Variants in PTPRD observed in about 807,000 individuals in gnomAD.
PTPRD encodes receptor-type tyrosine-protein phosphatase delta.
A neutral mutation model predicts 214.5 loss-of-function variants in PTPRD; 34 were observed. That is an observed-to-expected ratio of 0.16 (90% CI 0.12 to 0.21). The LOEUF (loss-of-function observed/expected upper bound fraction) is 0.21. Among genes scored for constraint, PTPRD ranks in the 10% least tolerant of loss-of-function variants. PTPRD has a pLI of 1.00. For missense variants in PTPRD, 2,545 were observed against 2,398.7 expected, an observed-to-expected ratio of 1.06 and a Z score of -1.27; for synonymous variants, 1,128 against 845.7, an observed-to-expected ratio of 1.33 and a Z score of -5.79.
intron 9 of PTPRD, among the ~76,000 whole-genome samples, chr9:9,231,137 A>T (rs1033086607): frequency 6.6e-6 from 1 of 152,122 alleles, no homozygotes; most frequent in Non-Finnish European, 1.5e-5. Flanking sequence ...TAACAGGCTT[A>T]TATCTGCACT....
intron 10 of PTPRD, among the ~76,000 whole-genome samples, chr9:9,061,679 C>A (rs2099707680): frequency 6.6e-6 from 1 of 152,130 alleles, no homozygotes; most frequent in Admixed American, 6.6e-5. Context: ...AAGAAGAGCA[C>A]AAATTTATTA....
At chr9:8,644,154 T>A (rs1314030489) in intron 12 of PTPRD, among the ~76,000 whole-genome samples, 1 of 152,124 alleles carries the variant, frequency 6.6e-6, no homozygotes, top group East Asian at 1.9e-4. Flanking sequence ...GATGACCAGC[T>A]GCAGAGAGGA....
intron 8 of PTPRD, among the ~76,000 whole-genome samples, chr9:9,479,208 C>T (rs1169777412): frequency 1.4e-5 from 1 of 73,890 alleles, no homozygotes; most frequent in Non-Finnish European, 2.6e-5. Flanking sequence ...CATACATACA[C>T]ACACACGCCC....
chr9:9,482,840 A>G (rs530498137), intron 8 of PTPRD, among the ~76,000 whole-genome samples: 30 of 152,200 alleles, frequency 2.0e-4, no homozygotes, highest in Non-Finnish European at 3.7e-4. Flanking sequence ...TTAAATAGCA[A>G]TATCACAATT....
At chr9:10,476,368 T>A (rs939121035) in intron 2 of PTPRD, among the ~76,000 whole-genome samples, 11 of 152,054 alleles carry the variant, frequency 7.2e-5, no homozygotes, top group African/African-American at 2.4e-4. Flanking sequence ...AAATCATGAG[T>A]GAACTCCCAT....
In PTPRD at chr9:8,518,441, G is replaced by A. The variant is rs1393212490; in HGVS notation, c.962-12C>T. 1 of 1,550,948 alleles carries A rather than the reference G, an allele frequency of 6.4e-7. No homozygotes were observed. The highest frequency in any genetic ancestry group is 2.3e-5 in the East Asian group (1 of 44,432). On this transcript the variant is annotated splice_polypyrimidine_tract_variant and intron_variant, in intron 20 of 45. Coordinates refer to ENST00000381196, the MANE Select transcript of PTPRD (RefSeq NM_002839.4). ...AGGTTTGGGTAAGGCTTGGATGGGG[G>A]AAGATAAAAGACAATGACTACCCAT...
chr9:9,570,383 C>T (rs1384702128), intron 8 of PTPRD, among the ~76,000 whole-genome samples: 1 of 151,398 alleles, frequency 6.6e-6, no homozygotes, highest in Non-Finnish European at 1.5e-5. Flanking sequence ...TTCCCCAAGC[C>T]CTGTCACCAC....
At chr9:8,909,783 A>G (rs1041848501) in intron 11 of PTPRD, among the ~76,000 whole-genome samples, 4 of 151,058 alleles carry the variant, frequency 2.6e-5, no homozygotes, top group Admixed American at 2.0e-4. Context: ...ATAGAGATAG[A>G]GATAGAGATA....
intron 9 of PTPRD, among the ~76,000 whole-genome samples, chr9:9,376,873 T>C (rs1596632983): frequency 6.6e-6 from 1 of 152,068 alleles, no homozygotes; most frequent in East Asian, 1.9e-4. Context: ...ATTCAGTAAC[T>C]TTCTCAGTAA....
chr9:9,111,210 GA>G (rs78493833), intron 10 of PTPRD, among the ~76,000 whole-genome samples: 4,048 of 67,946 alleles, frequency 0.06, 75 homozygotes, highest in Middle Eastern at 0.14. Flanking sequence ...ATTAGATAAA[GA>G]AAAAAAAAAA....
In PTPRD at chr9:9,719,616, C is replaced by T. The variant is rs147027837; in HGVS notation, c.-287+14917G>A. Among the ~76,000 whole-genome samples the T allele has an allele frequency of 2.5e-3, 383 of 152,258 alleles. 1 individual carries two copies. Among genetic ancestry groups the T allele is most frequent in the African/African-American group, 7.7e-3 (321 of 41,554 alleles). On this transcript the variant is annotated intron_variant, in intron 7 of 45. Transcript: ENST00000381196. ...AGGACTGAAAGAGTTGTAACACAAACGGTCTGAAACACACCTGCTCTGCAA... is the reference window on the plus strand; with the variant it reads ...AGGACTGAAAGAGTTGTAACACAAATGGTCTGAAACACACCTGCTCTGCAA...
chr9:10,441,474 ATATT>A (rs757995505), intron 2 of PTPRD, among the ~76,000 whole-genome samples: 3 of 151,654 alleles, frequency 2.0e-5, no homozygotes, highest in Non-Finnish European at 3.0e-5. Flanking sequence ...GACACCGAAT[ATATT>A]TATTACATTT....
At chr9:9,861,321 T>A (rs911762771) in intron 5 of PTPRD, among the ~76,000 whole-genome samples, 6 of 152,148 alleles carry the variant, frequency 3.9e-5, no homozygotes, top group Admixed American at 1.3e-4. Context: ...GACAGAGTCT[T>A]GCTCTGTCTC....
intron 2 of PTPRD, among the ~76,000 whole-genome samples, chr9:10,350,468 T>C (rs1046090533): frequency 9.9e-5 from 15 of 152,028 alleles, no homozygotes; most frequent in African/African-American, 3.6e-4. Context: ...TTTTATAAAA[T>C]CAAAAAAAAT....
chr9:8,591,315 T>C (rs1159808512), intron 14 of PTPRD, among the ~76,000 whole-genome samples: 1 of 152,158 alleles, frequency 6.6e-6, no homozygotes, highest in Non-Finnish European at 1.5e-5. Flanking sequence ...GGGCCATTAT[T>C]TGGTCTACCC....
chr9:8,833,643 AC>A (rs1217982870), intron 11 of PTPRD, among the ~76,000 whole-genome samples: 1 of 151,062 alleles, frequency 6.6e-6, no homozygotes, highest in Admixed American at 6.6e-5. Context: ...AATCTTAATA[AC>A]AGGCACCATT....
At chr9:8,765,213 A>C (rs977726279) in intron 11 of PTPRD, among the ~76,000 whole-genome samples, 1 of 152,250 alleles carries the variant, frequency 6.6e-6, no homozygotes, top group South Asian at 2.1e-4. Context: ...TCCCCTCAAA[A>C]GATGGAGCAT....
chr9:8,525,440 C>CA (rs1289623428), intron 17 of PTPRD, among the ~76,000 whole-genome samples: 4 of 150,830 alleles, frequency 2.7e-5, no homozygotes, highest in South Asian at 2.1e-4. Flanking sequence ...TAGGTACGCT[C>CA]AAAAAAAACC....
intron 8 of PTPRD, among the ~76,000 whole-genome samples, chr9:9,497,998 T>C (rs2096263355): frequency 6.6e-6 from 1 of 152,228 alleles, no homozygotes; most frequent in South Asian, 2.1e-4. Flanking sequence ...AGATGAGTAA[T>C]GTATTTTGCT....
Sources: allele counts gnomAD v4.1 joint callset (sites outside exome capture counted in the v4.1 genomes callset), GRCh38; gene constraint gnomAD v4.1.1; transcripts MANE v1.5; gene names NCBI Gene and HGNC (gene_info 2026-07-23, HGNC 2026-07-21).